Variants in CTNNA2 observed in about 807,000 individuals in gnomAD.
The protein encoded by CTNNA2 is catenin alpha-2.
A neutral mutation model predicts 101.0 loss-of-function variants in CTNNA2; 42 were observed. The observed-to-expected ratio is 0.42, with a 90% CI of 0.32 to 0.54. The LOEUF (loss-of-function observed/expected upper bound fraction) is 0.54. CTNNA2 is among the 20% of genes least tolerant of loss of function. CTNNA2 has a pLI of 0.14. For missense variants in CTNNA2, 871 were observed against 1,223.1 expected (o/e 0.71, Z 4.29); for synonymous variants, 450 against 456.4 (o/e 0.99, Z 0.18).
intron 9 of CTNNA2, among the ~76,000 whole-genome samples, chr2:80,449,725 A>G (rs905113019): frequency 2.0e-5 from 3 of 152,198 alleles, no homozygotes; most frequent in African/African-American, 7.2e-5. Flanking sequence ...CACAGAACTA[A>G]TCAGTGACAG....
intron 4 of CTNNA2, among the ~76,000 whole-genome samples, chr2:79,474,020 A>T (rs996489612): frequency 2.0e-5 from 3 of 152,144 alleles, no homozygotes; most frequent in African/African-American, 7.2e-5. Context: ...TTTAATTTTA[A>T]TTAGTTTAAA....
At chr2:79,312,515 G>T (rs1460151901) in intron 2 of CTNNA2, among the ~76,000 whole-genome samples, 1 of 152,120 alleles carries the variant, frequency 6.6e-6, no homozygotes, top group Non-Finnish European at 1.5e-5. Flanking sequence ...CACCTGTTAG[G>T]TATTAGATTG....
At chr2:79,533,242 G>A (rs780307197) in intron 1 of CTNNA2, among the ~76,000 whole-genome samples, 23 of 152,048 alleles carry the variant, frequency 1.5e-4, no homozygotes, top group Middle Eastern at 3.4e-3. Context: ...CTCCATACCC[G>A]CTACATAACC....
intron 2 of CTNNA2, among the ~76,000 whole-genome samples, chr2:79,289,551 G>A (rs973373138): frequency 1.3e-5 from 2 of 151,998 alleles, no homozygotes; most frequent in African/African-American, 4.8e-5. Flanking sequence ...GTCGAGACCA[G>A]CCTGACCAAC....
intron 3 of CTNNA2, among the ~76,000 whole-genome samples, chr2:79,766,952 C>T (rs1414943735): frequency 6.6e-6 from 1 of 151,910 alleles, no homozygotes; most frequent in East Asian, 2.0e-4. Flanking sequence ...GATAGGGTTT[C>T]ACCATGTTGG....
At chr2:79,858,217 A>G (rs1324855987) in intron 4 of CTNNA2, 38 bp downstream of exon 4, 2 of 1,533,944 alleles carry the variant, frequency 1.3e-6, no homozygotes, top group African/African-American at 2.7e-5. Flanking sequence ...TCTTTATGTG[A>G]GTGGCAATCT....
chr2:79,850,168 C>G (rs920451740), intron 3 of CTNNA2, among the ~76,000 whole-genome samples: 1 of 151,678 alleles, frequency 6.6e-6, no homozygotes, highest in Non-Finnish European at 1.5e-5. Context: ...TCCTACCCTC[C>G]CTTCCTCCAT....
intron 2 of CTNNA2, among the ~76,000 whole-genome samples, chr2:79,232,969 A>G (rs1434193): frequency 0.43 from 64,965 of 151,970 alleles, 14,678 homozygotes; most frequent in Non-Finnish European, 0.48. Flanking sequence ...CTGTTAAATC[A>G]GCTAACAGTC....
chr2:79,367,936 A>G (rs1304503966), intron 3 of CTNNA2, among the ~76,000 whole-genome samples: 1 of 152,178 alleles, frequency 6.6e-6, no homozygotes, highest in African/African-American at 2.4e-5. Flanking sequence ...TAGAGAAAAT[A>G]GTACTACCTA....
chr2:79,378,953 C>T (rs1284271172), intron 4 of CTNNA2, among the ~76,000 whole-genome samples: 1 of 152,144 alleles, frequency 6.6e-6, no homozygotes, highest in African/African-American at 2.4e-5. Context: ...AGCAGGATCG[C>T]TCAGGTGGAC....
intron 3 of CTNNA2, among the ~76,000 whole-genome samples, chr2:79,328,541 C>T (rs1215114777): frequency 6.6e-6 from 1 of 151,938 alleles, no homozygotes; most frequent in Non-Finnish European, 1.5e-5. Flanking sequence ...ATTTTAAGGA[C>T]CTAGGAGGTA....
At chr2:79,894,027 TTCTTCTTCTTCTTCTTC>T (rs1558619437) in intron 6 of CTNNA2, among the ~76,000 whole-genome samples, 5 of 144,706 alleles carry the variant, frequency 3.5e-5, no homozygotes, top group Non-Finnish European at 7.5e-5. Context: ...CTTCTTCTTC[TTCTTCTTCTTCTTCTTC>T]TTCTTCTTCT....
At chr2:79,888,690 A>G (rs1442474682) in intron 6 of CTNNA2, among the ~76,000 whole-genome samples, 1 of 152,134 alleles carries the variant, frequency 6.6e-6, no homozygotes, top group East Asian at 1.9e-4. Context: ...TTATTTCTTG[A>G]GGCAGCGAAA....
intron 4 of CTNNA2, among the ~76,000 whole-genome samples, chr2:79,382,296 CT>C (rs1396690917): frequency 6.6e-6 from 1 of 152,032 alleles, no homozygotes; most frequent in Non-Finnish European, 1.5e-5. Flanking sequence ...CTTTCCTGAG[CT>C]TTTAGCTTGT....
At position 80,495,689 on chromosome 2, in the gene CTNNA2, A is replaced by G. The variant is rs185806890; in HGVS notation, c.1291-49293A>G. Among the ~76,000 whole-genome samples the G allele has an allele frequency of 3.9e-4, 59 of 152,302 alleles. 2 individuals carry two copies. The East Asian group carries it at 0.011, about 28-fold the overall frequency. On this transcript the variant is annotated intron_variant, in intron 9 of 18. Coordinates refer to ENST00000402739, the MANE Select transcript of CTNNA2 (RefSeq NM_001282597.3). ...ACGGTTGGCTCACGCCTATAATCAC[A>G]GCACTTTGGGAGGCTGAGGTGGGCA...
At chr2:79,768,235 G>A (rs971408665) in intron 3 of CTNNA2, among the ~76,000 whole-genome samples, 16 of 151,682 alleles carry the variant, frequency 1.1e-4, no homozygotes, top group Middle Eastern at 3.2e-3. Context: ...AGTGCCAGAG[G>A]TGCTCTTTGC....
chr2:80,547,991 C>G (rs1466424547), intron 11 of CTNNA2, among the ~76,000 whole-genome samples: 4 of 152,184 alleles, frequency 2.6e-5, no homozygotes, highest in African/African-American at 9.6e-5. Flanking sequence ...CGCGCCCAGC[C>G]CATTTCTGCT....
At chr2:79,241,355 T>C (rs192741265) in intron 2 of CTNNA2, among the ~76,000 whole-genome samples, 60 of 152,326 alleles carry the variant, frequency 3.9e-4, no homozygotes, top group African/African-American at 1.4e-3. Flanking sequence ...GAGATTATGA[T>C]TAAGCTTGAA....
intron 7 of CTNNA2, among the ~76,000 whole-genome samples, chr2:79,993,686 G>T (rs1218838401): frequency 6.6e-6 from 1 of 152,110 alleles, no homozygotes; most frequent in Non-Finnish European, 1.5e-5. Flanking sequence ...GGGTGTTCCA[G>T]TTACTGGGGC....
Sources: gnomAD v4.1 joint callset for allele counts (sites outside exome capture counted in the v4.1 genomes callset) on GRCh38, gnomAD v4.1.1 for gene constraint, MANE v1.5 for transcripts, NCBI Gene and HGNC (gene_info 2026-07-23, HGNC 2026-07-21) for gene names.